The following EP400 variants were observed in gnomAD, a reference collection of about 807,000 sequenced individuals.
EP400 encodes the protein E1A-binding protein p400.
Under a neutral mutation model 354.1 loss-of-function variants are expected in EP400, and 105 were observed. The observed-to-expected ratio is 0.30, with a 90% CI of 0.25 to 0.35. EP400 has a LOEUF of 0.35. EP400 is among the 10% of genes least tolerant of loss of function. The pLI is 1.00. For synonymous variants in EP400, 1,646 were observed against 1,716.9 expected (o/e 0.96, Z 1.02); for missense variants, 3,280 against 4,121.0 (o/e 0.80, Z 5.59).
intron 14 of EP400, 111 bp downstream of exon 14, chr12:132,006,413 A>G (rs1893583976): frequency 7.0e-6 from 9 of 1,286,056 alleles, no homozygotes; most frequent in South Asian, 3.0e-5. Context: ...TCCCAACTGC[A>G]GAGTTGTCAG....
intron 31 of EP400, 34 bp from the exon 32 acceptor site, chr12:132,037,919 T>C: frequency 6.2e-7 from 1 of 1,613,900 alleles, no homozygotes; most frequent in Non-Finnish European, 8.5e-7. Flanking sequence ...ACTTGGACCT[T>C]GTACTGGGGA....
At chr12:131,993,503 C>T (rs1455391874) in intron 11 of EP400, among the ~76,000 whole-genome samples, 2 of 152,238 alleles carry the variant, frequency 1.3e-5, no homozygotes, top group Non-Finnish European at 2.9e-5. Context: ...CTGGTAGCTG[C>T]GGTCGGCTTT....
intron 15 of EP400, among the ~76,000 whole-genome samples, chr12:132,011,124 T>C (rs1893750635): frequency 6.6e-6 from 1 of 152,134 alleles, no homozygotes; most frequent in Non-Finnish European, 1.5e-5. Context: ...TTGAGCAGGG[T>C]CTGGGGCTCT....
In EP400 at chr12:132,047,748, A is replaced by G. The variant is rs370160009; in HGVS notation, c.7200+1848A>G. Among the ~76,000 whole-genome samples the G allele has an allele frequency of 3.3e-5, 5 of 152,316 alleles. No homozygotes were observed. In the South Asian group the frequency reaches 6.2e-4, roughly 19 times the overall value. On this transcript the variant is annotated intron_variant, in intron 39 of 52. Transcript: ENST00000389561. ...ATCAGGAAACAGGGTTTGAGAGCAG[A>G]CAACCAGTCTGACCAAAATTTATTA...
intron 51 of EP400, among the ~76,000 whole-genome samples, chr12:132,072,110 C>T (rs1211013905): frequency 2.0e-5 from 3 of 152,140 alleles, no homozygotes; most frequent in African/African-American, 4.8e-5. Context: ...CAGCCTCGTT[C>T]GTGCGCTCTG....
At chr12:131,978,270 T>A (rs952823775) in intron 2 of EP400, among the ~76,000 whole-genome samples, 1 of 152,194 alleles carries the variant, frequency 6.6e-6, no homozygotes, top group African/African-American at 2.4e-5. Flanking sequence ...CACAGCCTCC[T>A]TTGTATCCGT....
Position 132,017,484 on chromosome 12 carries a change from G to A in EP400, c.3924-51G>A. ...CAGTCGATGGTGAGGGTGGGACTATGTCCATGTGCCGTTTGGATTGAATGC... is the reference window on the plus strand; with the variant it reads ...CAGTCGATGGTGAGGGTGGGACTATATCCATGTGCCGTTTGGATTGAATGC... On this transcript the variant is annotated intron_variant, in intron 19 of 52. Transcript: ENST00000389561. The surrounding 1 kb of genome is among the most constrained non-coding windows in gnomAD (Gnocchi z 5.0). 2 of 1,593,748 alleles carry A rather than the reference G, an allele frequency of 1.3e-6. No homozygotes were observed. The highest frequency in any genetic ancestry group is 1.7e-6 in the Non-Finnish European group (2 of 1,167,546).
At chr12:132,071,771 G>GC (rs35333784) in intron 51 of EP400, among the ~76,000 whole-genome samples, 1 of 152,114 alleles carries the variant, frequency 6.6e-6, no homozygotes, top group Admixed American at 6.5e-5. Context: ...CTGCACCTGT[G>GC]CCCCTACCAG....
chr12:132,025,754 G>A lies in EP400; in HGVS notation c.4964G>A (p.Gly1655Glu), dbSNP rs1318627664. The change falls in exon 25 of 53, where the codon GGA becomes GAA. Residue 1655 changes from glycine to glutamate, a missense_variant. By Grantham distance (98) the Gly-to-Glu change is moderately conservative (BLOSUM62 -2). Transcript: ENST00000389561. The surrounding 1 kb of genome is among the most constrained non-coding windows in gnomAD (Gnocchi z 4.1). The stretch of plus-strand genomic sequence containing the variant: ...GCGGGCGCTGTGCACGGCGCCCTGG[G>A]AAGCAAGCCCCCGGCCGGCGGTCCC... Reference protein sequence around the residue: ...SQAGAVHGALGSKPPAGGPSP... With the variant: ...SQAGAVHGALESKPPAGGPSP... The A allele has an allele frequency of 3.1e-6, 5 of 1,612,258 alleles. No individual in the cohort carries two copies. The highest frequency in any genetic ancestry group is 4.2e-6 in the Non-Finnish European group (5 of 1,179,574).
chr12:131,954,163 T>C (rs1238017673), intron 1 of EP400, among the ~76,000 whole-genome samples: 2 of 152,078 alleles, frequency 1.3e-5, no homozygotes, highest in Non-Finnish European at 2.9e-5. Flanking sequence ...TGCCACTTAG[T>C]TTCCATTAAA....
In EP400 at chr12:132,067,443, T is replaced by C; in HGVS notation, c.8831T>C (p.Ile2944Thr). 1 of 1,613,404 alleles carries C rather than the reference T, an allele frequency of 6.2e-7. No individual in the cohort carries two copies. ...KQQAVQQQKA[I>T]QPQAAQGPAA... ...CAGGCCGTCCAGCAGCAGAAGGCCA[T>C]CCAGCCCCAGGCTGCACAGGGCCCG... The change falls in exon 50 of 53, where the codon ATC (isoleucine) becomes ACC (threonine). Residue 2944 changes from isoleucine (I) to threonine (T), a missense_variant. This residue lies in a region of EP400 where 279 missense variants were observed against 386.7 expected (regional missense o/e 0.72). Transcript: ENST00000389561. The surrounding 1 kb of genome is among the most constrained non-coding windows in gnomAD (Gnocchi z 5.3).
At chr12:132,023,154 T>TG (rs1226945011) in intron 23 of EP400, among the ~76,000 whole-genome samples, 1 of 150,596 alleles carries the variant, frequency 6.6e-6, no homozygotes, top group Non-Finnish European at 1.5e-5. Context: ...TTTTTGGAGA[T>TG]GGAGTTTCAC....
chr12:131,984,944 A>C (rs1892805045), intron 5 of EP400, among the ~76,000 whole-genome samples: 2 of 152,194 alleles, frequency 1.3e-5, no homozygotes, highest in South Asian at 4.1e-4. Context: ...CTCCTTAAGA[A>C]CAACAGTAGA....
At chr12:132,071,771 G>A (rs1220831092) in intron 51 of EP400, among the ~76,000 whole-genome samples, 1 of 152,114 alleles carries the variant, frequency 6.6e-6, no homozygotes. Flanking sequence ...CTGCACCTGT[G>A]CCCCTACCAG....
chr12:131,979,423 G>A (rs1362405456), intron 2 of EP400, among the ~76,000 whole-genome samples: 1 of 152,100 alleles, frequency 6.6e-6, no homozygotes, highest in Non-Finnish European at 1.5e-5. Context: ...GTTTCCCAAG[G>A]ACTGTAGGTT....
At chr12:131,963,689 T>G (rs1301183564) in intron 2 of EP400, 3 of 1,477,000 alleles carry the variant, frequency 2.0e-6, no homozygotes, top group South Asian at 1.2e-5. Context: ...AAACTTTTCC[T>G]TCATCCAGAT....
At chr12:132,065,374 G>A in intron 48 of EP400, 1 of 159,732 alleles carries the variant, frequency 6.3e-6, no homozygotes, top group South Asian at 1.8e-4. Flanking sequence ...GCTCTCAGCA[G>A]GTGCCAGCGT....
Position 132,067,129 on chromosome 12 carries a change from G to T in EP400, c.8749+160G>T. ...ACAAACGTGCCTTGGCGCTTTCCAG[G>T]CGCAAGGCTGGGTCCTCAATTGAAC... is the stretch of plus-strand genomic sequence containing the variant. On this transcript the variant is annotated intron_variant, in intron 49 of 52. Transcript: ENST00000389561. The surrounding 1 kb of genome is among the most constrained non-coding windows in gnomAD (Gnocchi z 5.3). 1 of 1,139,882 alleles carries T rather than the reference G, an allele frequency of 8.8e-7. No homozygotes were observed. Among genetic ancestry groups the T allele is most frequent in the East Asian group, 2.7e-5 (1 of 37,568 alleles). The allele number at this position is 1,139,882 out of a possible 1,614,324, so 70.6% of individuals were successfully genotyped here. A position where few individuals can be genotyped will look rare whatever the true frequency, so the allele number is the denominator to read the frequency against.
In EP400 at chr12:132,038,010, G is replaced by C. The variant is rs564505403; in HGVS notation, c.6121G>C (p.Val2041Leu). Reference sequence around the variant, plus strand: ...TCCCATGGATGATGCTGGCTTCCCGGTCAAAGCTGAGGAGTTTGTGGTGCT... The same window carrying C: ...TCCCATGGATGATGCTGGCTTCCCGCTCAAAGCTGAGGAGTTTGTGGTGCT... ...YSPMDDAGFP[V>L]KAEEFVVLSQ... The change falls in exon 32 of 53, where the codon GTC (valine) becomes CTC (leucine). Residue 2041 changes from valine (V) to leucine (L), a missense_variant. Transcript: ENST00000389561. This position sits in a 1 kb window ranked among gnomAD's most constrained non-coding sequence, Gnocchi z 4.2. The C allele has an allele frequency of 1.2e-6, 2 of 1,614,208 alleles. No individual in the cohort carries two copies. Among genetic ancestry groups the C allele is most frequent in the Non-Finnish European group, 1.7e-6 (2 of 1,180,036 alleles).
Sources: gnomAD v4.1 joint callset for allele counts (sites outside exome capture counted in the v4.1 genomes callset) on GRCh38, gnomAD v4.1.1 for gene constraint, gnomAD v4.1.1 regional missense constraint, Gnocchi (gnomAD v3.1) non-coding constraint, MANE v1.5 for transcripts, NCBI Gene and HGNC (gene_info 2026-07-23, HGNC 2026-07-21) for gene names.